VSTM1: variants seen among roughly 807,000 people sequenced by gnomAD.
VSTM1 encodes the protein V-set and transmembrane domain-containing protein 1.
In VSTM1, 27 loss-of-function variants were observed where a neutral mutation model predicts 33.1. The observed-to-expected ratio is 0.82, with a 90% CI of 0.60 to 1.12. VSTM1 has a LOEUF of 1.12. Among genes scored for constraint, VSTM1 ranks in the 50% most tolerant of loss-of-function variants. The probability of loss-of-function intolerance (pLI) is 0.00; values close to 1 mark genes in which losing one functional copy is unlikely to be tolerated. For synonymous variants in VSTM1, 115 were observed against 110.3 expected (o/e 1.04, Z -0.27); for missense variants, 304 against 288.9 (o/e 1.05, Z -0.38).
chr19:54,058,710 A>G lies in VSTM1; in HGVS notation c.57T>C (p.Asp19=), dbSNP rs1407266736. The G allele has an allele frequency of 6.2e-7, 1 of 1,613,976 alleles. No homozygotes were observed. Among genetic ancestry groups the G allele is most frequent in the Non-Finnish European group, 8.5e-7 (1 of 1,180,012 alleles). ...GAGAAAACTCACCATTCTTTTTCTC[A>G]TCTTCGTAGCCCAGACACAGCCCTG... is the stretch of plus-strand genomic sequence containing the variant. ...LCLGLCLGYE[D]EKKNEKPPKP... is the part of the protein sequence containing the mutation. Residue 19 remains aspartate (D), a synonymous_variant, in exon 2 of 9, where the codon GAT becomes GAC. Coordinates refer to ENST00000338372, the MANE Select transcript of VSTM1 (RefSeq NM_198481.4).
intron 4 of VSTM1, among the ~76,000 whole-genome samples, chr19:54,045,892 GTCTA>G (rs1289752683): frequency 1.3e-5 from 2 of 151,474 alleles, no homozygotes; most frequent in Admixed American, 6.6e-5. Context: ...CTAATTATCT[GTCTA>G]TCTAATCATC....
In VSTM1 at chr19:54,040,912, C is replaced by G. The variant is rs369006790; in HGVS notation, c.*49G>C. On this transcript the variant is annotated 3_prime_UTR_variant, in exon 9 of 9. Transcript: ENST00000338372. ...TCTGCATCTCCAGATTTCCGATAAC[C>G]TTGGCCAGCACGATCCCCCCTCCTT... 29 of 1,592,288 alleles carry G rather than the reference C, an allele frequency of 1.8e-5. No individual in the cohort carries two copies. The South Asian group carries it at 1.9e-4, about 11-fold the overall frequency.
At chr19:54,051,028 T>C (rs1176063081) in intron 4 of VSTM1, among the ~76,000 whole-genome samples, 1 of 151,000 alleles carries the variant, frequency 6.6e-6, no homozygotes, top group Non-Finnish European at 1.5e-5. Flanking sequence ...GTGCGGTGGC[T>C]CACGCCTGTA....
rs1204145932 is a variant in VSTM1, at chr19:54,056,187, T to TTTTC, written c.355+2115_355+2118dup. Among the ~76,000 whole-genome samples the TTTTC allele has an allele frequency of 2.2e-3, 267 of 119,822 alleles. 17 individuals carry two copies. The highest frequency in any genetic ancestry group is 7.5e-3 in the African/African-American group (259 of 34,340). 78.6% of individuals were successfully genotyped at this position (119,822 alleles called of 152,430 possible). On this transcript the variant is annotated intron_variant, in intron 3 of 8. Transcript: ENST00000338372. ...AAAGCCAATTCTTTTTTTGTTTTTC[T>TTTTC]TTTCTTTCTTTCTTTTCTTTTCTTT...
At chr19:54,052,202 T>C (rs1439581663) in intron 3 of VSTM1, among the ~76,000 whole-genome samples, 5 of 149,878 alleles carry the variant, frequency 3.3e-5, no homozygotes, top group Admixed American at 1.3e-4. Flanking sequence ...ATCGAGACCA[T>C]CCTGGCTAAC....
rs184191607 is a variant in VSTM1 at position 54,052,087 on chromosome 19, A to G, written c.356-639T>C. 1.6e-3 allele frequency among the ~76,000 whole-genome samples: 248 copies of G among 152,194 alleles called. 2 individuals carry two copies. The highest frequency in any genetic ancestry group is 1.7e-3 in the Non-Finnish European group (114 of 68,016). ...ATATTTCTATCTCCACAGTGGCACC[A>G]TTTAGTCTAAGTTAAAATATCACCT... On this transcript the variant is annotated intron_variant, in intron 3 of 8. Coordinates refer to ENST00000338372, the MANE Select transcript of VSTM1 (RefSeq NM_198481.4).
intron 4 of VSTM1, among the ~76,000 whole-genome samples, chr19:54,042,814 A>ATATATATATGTG (rs1555752370): frequency 1.4e-4 from 6 of 43,488 alleles, no homozygotes; most frequent in African/African-American, 4.3e-4. Context: ...GTGTATATAT[A>ATATATATATGTG]TATATATATA....
At chr19:54,056,859 CTT>C (rs548330152) in intron 3 of VSTM1, among the ~76,000 whole-genome samples, 1 of 130,086 alleles carries the variant, frequency 7.7e-6, no homozygotes, top group Non-Finnish European at 1.7e-5. Flanking sequence ...CCTTCTTCTT[CTT>C]TTTTTTTTTT....
chr19:54,052,278 G>A (rs113565741), intron 3 of VSTM1, among the ~76,000 whole-genome samples: 6 of 131,484 alleles, frequency 4.6e-5, no homozygotes, highest in African/African-American at 1.7e-4. Flanking sequence ...GGCCCCTGTA[G>A]TCCCAGCTAC....
chr19:54,060,300 C>T (rs1221358226), intron 1 of VSTM1, among the ~76,000 whole-genome samples: 3 of 152,094 alleles, frequency 2.0e-5, no homozygotes, highest in African/African-American at 4.8e-5. Flanking sequence ...CTACATTCCC[C>T]GCTGGGAAGG....
intron 3 of VSTM1, 95 bp downstream of exon 3, chr19:54,058,211 G>A: frequency 7.3e-7 from 1 of 1,367,352 alleles, no homozygotes. Context: ...CTGCACTCCA[G>A]CCTGGGAGAC....
chr19:54,058,465 A>G lies in VSTM1; in HGVS notation c.196T>C (p.Ser66Pro), dbSNP rs992453747. ...GAGCTCTGTTCCTGCTTGTACCCAGAGTCGTTCACCTTGCGCAGCACAAAT... is the reference window on the plus strand; with the variant it reads ...GAGCTCTGTTCCTGCTTGTACCCAGGGTCGTTCACCTTGCGCAGCACAAAT... Reference protein sequence around the residue: ...VTFVLRKVNDSGYKQEQSSAE... With the variant: ...VTFVLRKVNDPGYKQEQSSAE... Residue 66 changes from serine (S) to proline (P), a missense_variant, in exon 3 of 9, where the codon TCT (serine) becomes CCT (proline). Ser to Pro is a moderately conservative substitution (Grantham distance 74). Coordinates refer to ENST00000338372, the MANE Select transcript of VSTM1 (RefSeq NM_198481.4). The G allele has an allele frequency of 5.0e-6, 8 of 1,613,984 alleles. No individual in the cohort carries two copies. Among genetic ancestry groups the G allele is most frequent in the Non-Finnish European group, 6.8e-6 (8 of 1,180,000 alleles).
rs2070226632 is a variant in VSTM1, at chr19:54,040,973, T to C, written c.699A>G (p.Ala233=). The C allele has an allele frequency of 1.2e-6, 2 of 1,610,320 alleles. No individual in the cohort carries two copies. The highest frequency in any genetic ancestry group is 3.4e-5 in the Admixed American group (2 of 59,560). ...QEPPGSHEYA[A]LKV is the part of the protein sequence containing the mutation. ...GGCTGTCTTCTTGCTACACTTTCAG[T>C]GCCGCATATTCATGAGATCCTGGGG... The change falls in exon 9 of 9, where the codon GCA becomes GCG. Residue 233 remains alanine, a synonymous_variant. Transcript: ENST00000338372.
intron 8 of VSTM1, among the ~76,000 whole-genome samples, chr19:54,041,370 C>G (rs537832751): frequency 6.6e-6 from 1 of 151,914 alleles, no homozygotes; most frequent in East Asian, 1.9e-4. Context: ...GGCGTGATCT[C>G]GGCTCACTGC....
At chr19:54,048,429 C>A in intron 4 of VSTM1, 1 of 323,528 alleles carries the variant, frequency 3.1e-6, no homozygotes. Flanking sequence ...ATATTTTATT[C>A]TGTTTAGAAT....
At chr19:54,060,131 C>T (rs959393752) in intron 1 of VSTM1, among the ~76,000 whole-genome samples, 6 of 152,098 alleles carry the variant, frequency 3.9e-5, no homozygotes, top group African/African-American at 1.2e-4. Flanking sequence ...GGATTACAGG[C>T]ATCAGCCACC....
chr19:54,051,925 T>G (rs1045755039), intron 3 of VSTM1, among the ~76,000 whole-genome samples: 5 of 151,982 alleles, frequency 3.3e-5, no homozygotes, highest in African/African-American at 9.7e-5. Flanking sequence ...CACACCCTGC[T>G]AATTTTTGTA....
In VSTM1 at chr19:54,041,700, G is replaced by A. The variant is rs2070279316; in HGVS notation, c.591+79C>T. 4 of 1,451,748 alleles carry A rather than the reference G, an allele frequency of 2.8e-6. No individual in the cohort carries two copies. The East Asian group carries it at 9.1e-5, about 33-fold the overall frequency. The allele number at this position is 1,451,748 out of a possible 1,614,324, so 89.9% of individuals were successfully genotyped here. A position where few individuals can be genotyped will look rare whatever the true frequency, so the allele number is the denominator to read the frequency against. Reference sequence around the variant, plus strand: ...TGATAAACAGTATACATTTCTGTATGGGCTTAACCAGGAGGCACACACGAC... The same window carrying A: ...TGATAAACAGTATACATTTCTGTATAGGCTTAACCAGGAGGCACACACGAC... On this transcript the variant is annotated intron_variant, in intron 8 of 8. Transcript: ENST00000338372.
intron 3 of VSTM1, 122 bp downstream of exon 3, chr19:54,058,184 G>A (rs1264171308): frequency 7.4e-6 from 8 of 1,086,706 alleles, no homozygotes; most frequent in Middle Eastern, 2.1e-4. Context: ...AAGTTGCAGT[G>A]AGCCGAGATC....
Sources: gnomAD v4.1 joint callset for allele counts (sites outside exome capture counted in the v4.1 genomes callset) on GRCh38, gnomAD v4.1.1 for gene constraint, MANE v1.5 for transcripts, NCBI Gene and HGNC (gene_info 2026-07-23, HGNC 2026-07-21) for gene names.